Variants in MEI4 observed in about 807,000 individuals in gnomAD.
MEI4 encodes the protein meiotic double-stranded break formation protein 4.
In MEI4, 27 loss-of-function variants were observed where a neutral mutation model predicts 31.4. That is an observed-to-expected ratio of 0.86 (90% confidence interval 0.63 to 1.19). MEI4 has a LOEUF of 1.19. Among genes scored for constraint, MEI4 ranks in the 50% most tolerant of loss-of-function variants. MEI4 has a pLI of 0.00. For missense variants in MEI4, 329 were observed against 398.9 expected (o/e 0.82, Z 1.49); for synonymous variants, 122 against 145.4 (o/e 0.84, Z 1.16).
At chr6:77,650,340 G>C (rs1011928047), upstream of MEI4, among the ~76,000 whole-genome samples, 1 of 152,186 alleles carries the variant, frequency 6.6e-6, no homozygotes, top group South Asian at 2.1e-4. Flanking sequence ...GCCAAGAGGG[G>C]CAGAAGGGGT....
intron 4 of MEI4, among the ~76,000 whole-genome samples, chr6:77,832,650 C>A (rs960704738): frequency 6.6e-6 from 1 of 151,936 alleles, no homozygotes; most frequent in Non-Finnish European, 1.5e-5. Context: ...CAAAAGAGGG[C>A]GATTAGGATT....
chr6:77,746,225 C>G (rs527628885), intron 2 of MEI4, among the ~76,000 whole-genome samples: 13 of 152,208 alleles, frequency 8.5e-5, no homozygotes, highest in Admixed American at 6.5e-4. Context: ...AGACCGCTAG[C>G]AAGACTAATA....
chr6:77,787,210 T>G (rs761783102), intron 3 of MEI4, among the ~76,000 whole-genome samples: 17 of 152,138 alleles, frequency 1.1e-4, no homozygotes, highest in Non-Finnish European at 2.2e-4. Flanking sequence ...AGCCGGGATT[T>G]TCTACTAGAG....
chr6:77,762,773 G>A (rs896128417), intron 3 of MEI4, among the ~76,000 whole-genome samples: 14 of 151,956 alleles, frequency 9.2e-5, no homozygotes, highest in Non-Finnish European at 1.6e-4. Flanking sequence ...AGTAAGCTTC[G>A]GCATTTGTGA....
At chr6:77,713,900 T>G (rs755419075) in intron 2 of MEI4, among the ~76,000 whole-genome samples, 9 of 152,174 alleles carry the variant, frequency 5.9e-5, no homozygotes, top group Non-Finnish European at 1.0e-4. Flanking sequence ...TTATTGCCTC[T>G]ACAGTTTTTT....
intron 4 of MEI4, among the ~76,000 whole-genome samples, chr6:77,864,494 A>C (rs1225724718): frequency 6.6e-6 from 1 of 152,234 alleles, no homozygotes; most frequent in African/African-American, 2.4e-5. Flanking sequence ...AGGCCATTAC[A>C]TAATGGTAAA....
At chr6:77,694,373 T>C (rs889371304) in intron 2 of MEI4, among the ~76,000 whole-genome samples, 25 of 152,034 alleles carry the variant, frequency 1.6e-4, no homozygotes, top group South Asian at 4.2e-4. Context: ...TAACTCGTCA[T>C]TTAGCATTAG....
intron 4 of MEI4, among the ~76,000 whole-genome samples, chr6:77,883,621 G>T (rs886128615): frequency 2.0e-5 from 3 of 150,046 alleles, no homozygotes; most frequent in African/African-American, 7.4e-5. Flanking sequence ...ACACTTTGCT[G>T]CAAATGACAG....
chr6:77,794,802 C>T (rs1320635269), intron 3 of MEI4, among the ~76,000 whole-genome samples: 1 of 151,880 alleles, frequency 6.6e-6, no homozygotes, highest in Non-Finnish European at 1.5e-5. Flanking sequence ...TTTTTCAAGT[C>T]TATAAAAAAC....
chr6:77,677,681 A>G (rs894261619), intron 1 of MEI4, among the ~76,000 whole-genome samples: 7 of 152,292 alleles, frequency 4.6e-5, no homozygotes, highest in African/African-American at 1.7e-4. Flanking sequence ...CCTCAATAAC[A>G]GTTGTCTTTC....
rs113698634 is a variant in MEI4, at chr6:77,680,298, AT to A, written c.-14-10359del. On this transcript the variant is annotated intron_variant, in intron 1 of 4. Transcript: ENST00000684080. ...TCAAAAAATAAAAAATAAAAAAAAA[AT>A]AAAAGGTCTTCTAGTATTTAGCTTG... Among the ~76,000 whole-genome samples the A allele has an allele frequency of 7.7e-3, 1,173 of 151,508 alleles. 13 individuals carry two copies. The highest frequency in any genetic ancestry group is 0.026 in the African/African-American group (1,058 of 41,244).
chr6:77,656,529 C>T (rs574820257), intron 1 of MEI4, among the ~76,000 whole-genome samples: 9 of 152,006 alleles, frequency 5.9e-5, no homozygotes, highest in South Asian at 2.1e-4. Context: ...TTATTTCTAT[C>T]TTCACAGTAG....
chr6:77,770,131 A>G (rs1281020529), intron 3 of MEI4, among the ~76,000 whole-genome samples: 1 of 152,036 alleles, frequency 6.6e-6, no homozygotes, highest in East Asian at 1.9e-4. Flanking sequence ...AAAGACAAAA[A>G]AGGAGAGACA....
intron 4 of MEI4, among the ~76,000 whole-genome samples, chr6:77,850,074 T>TC (rs1770579326): frequency 6.6e-6 from 1 of 152,192 alleles, no homozygotes; most frequent in African/African-American, 2.4e-5. Context: ...CATTTGTCCT[T>TC]CAACTACTTT....
intron 2 of MEI4, among the ~76,000 whole-genome samples, chr6:77,742,044 A>T (rs1767421603): frequency 6.6e-6 from 1 of 151,976 alleles, no homozygotes; most frequent in African/African-American, 2.4e-5. Context: ...CTTGGTTCCA[A>T]GTCTTTGCTA....
In MEI4 at chr6:77,847,678, A is replaced by G. The variant is rs970676041; in HGVS notation, c.900+18616A>G. ...TCTTTCCTACTCCGATCTTTGTATT[A>G]TAGACATTAACACATTTTAATGGAA... On this transcript the variant is annotated intron_variant, in intron 4 of 4. Coordinates refer to ENST00000684080, the MANE Select transcript of MEI4 (RefSeq NM_001322247.2). The surrounding 1 kb of genome is among the most constrained non-coding windows in gnomAD (Gnocchi z 4.6). Among the ~76,000 whole-genome samples the G allele has an allele frequency of 6.6e-6, 1 of 152,190 alleles. No individual in the cohort carries two copies. Among genetic ancestry groups the G allele is most frequent in the Admixed American group, 6.6e-5 (1 of 15,264 alleles).
rs566424759 is a variant in MEI4, at chr6:77,761,384, T to C, written c.487T>C (p.Leu163=). The part of the protein sequence containing the change: ...FLQYLLELKN[L]TESGNLKRDL... ...GCAATATCTACTTGAATTAAAGAAC[T>C]TGACAGAATCAGGTAATCTTAAAAG... is the stretch of plus-strand genomic sequence containing the variant. The change falls in exon 3 of 5, where the codon TTG becomes CTG. Residue 163 remains leucine (L), a synonymous_variant. Transcript: ENST00000684080. The C allele has an allele frequency of 1.0e-3, 1,267 of 1,232,264 alleles. No individual in the cohort carries two copies. The highest frequency in any genetic ancestry group is 1.2e-3 in the Non-Finnish European group (1,209 of 987,970). 76.3% of individuals were successfully genotyped at this position (1,232,264 alleles called of 1,614,324 possible).
intron 4 of MEI4, among the ~76,000 whole-genome samples, chr6:77,833,211 G>A (rs943817813): frequency 2.2e-4 from 33 of 151,108 alleles, no homozygotes; most frequent in Admixed American, 1.7e-3. Context: ...CATAATCACC[G>A]TGGTTTTCTA....
intron 3 of MEI4, among the ~76,000 whole-genome samples, chr6:77,778,355 A>G (rs1768508659): frequency 6.6e-6 from 1 of 152,140 alleles, no homozygotes; most frequent in Non-Finnish European, 1.5e-5. Flanking sequence ...CTTGCTATGG[A>G]ATAAATGTTA....
Sources: gnomAD v4.1 joint callset for allele counts (sites outside exome capture counted in the v4.1 genomes callset) on GRCh38, gnomAD v4.1.1 for gene constraint, Gnocchi (gnomAD v3.1) non-coding constraint, MANE v1.5 for transcripts, NCBI Gene and HGNC (gene_info 2026-07-23, HGNC 2026-07-21) for gene names.